The following C10orf90 variants were observed in gnomAD, a reference collection of about 807,000 sequenced individuals.
C10orf90 encodes the protein (E2-independent) E3 ubiquitin-conjugating enzyme FATS.
Under a neutral mutation model 62.5 loss-of-function variants are expected in C10orf90, and 56 were observed. That is an observed-to-expected ratio of 0.90 (90% CI 0.72 to 1.12). C10orf90 has a LOEUF of 1.12. Among genes scored for constraint, C10orf90 ranks in the 50% most tolerant of loss-of-function variants. The pLI is 0.00. For missense variants in C10orf90, 970 were observed against 880.4 expected, an observed-to-expected ratio of 1.10 and a Z score of -1.29; for synonymous variants, 386 against 340.4, an observed-to-expected ratio of 1.13 and a Z score of -1.47.
rs557215685 is a variant in C10orf90, at chr10:126,528,675, T to C, written c.314-14736A>G. On this transcript the variant is annotated intron_variant, in intron 2 of 9. Coordinates refer to ENST00000488181, the MANE Select transcript of C10orf90 (RefSeq NM_001350921.2). ...GCGAGTCACTTACCTCCTCTTGGTT[T>C]CCTCATCTGCGAAATGGGCTCAATA... Among the ~76,000 whole-genome samples, 3 of 152,278 alleles carry C rather than the reference T, an allele frequency of 2.0e-5. No homozygotes were observed. In the East Asian group the frequency reaches 5.8e-4, roughly 29 times the overall value.
intron 7 of C10orf90, among the ~76,000 whole-genome samples, chr10:126,435,997 A>C (rs530947644): frequency 6.0e-4 from 92 of 152,326 alleles, no homozygotes; most frequent in Non-Finnish European, 1.0e-3. Flanking sequence ...CAAGAGATCC[A>C]GTAAGAGACA....
In C10orf90 at chr10:126,426,085, T is replaced by C. The variant is rs757653481; in HGVS notation, c.2258A>G (p.Tyr753Cys). 3.1e-6 allele frequency: 5 copies of C among 1,612,982 alleles called. No homozygotes were observed. Among genetic ancestry groups the C allele is most frequent in the Admixed American group, 3.3e-5 (2 of 60,028 alleles). ...CTTTTTAACTTCCGGCAAGTTATCA[T>C]AGATTCTGAAACAGATTCGGAAAAC... The part of the protein sequence containing the change: ...KEMHMRSKRI[Y>C]DNLPEVKKKK... Residue 753 changes from tyrosine (Y) to cysteine (C), a missense_variant, in exon 9 of 10, where the codon TAT becomes TGT. Transcript: ENST00000488181.
At chr10:126,505,826 TGCCTGTAATCCCA>T (rs766200872) in intron 3 of C10orf90, among the ~76,000 whole-genome samples, 1 of 152,104 alleles carries the variant, frequency 6.6e-6, no homozygotes, top group Non-Finnish European at 1.5e-5. Flanking sequence ...TGGTGGCACA[TGCCTGTAATCCCA>T]GCTACTCGGG....
intron 2 of C10orf90, among the ~76,000 whole-genome samples, chr10:126,603,615 T>G (rs1425338146): frequency 1.3e-5 from 2 of 152,176 alleles, no homozygotes; most frequent in African/African-American, 4.8e-5. Context: ...AAGCCCTCTG[T>G]GCCTCAGTTT....
intron 2 of C10orf90, among the ~76,000 whole-genome samples, chr10:126,618,020 G>A (rs1466628640): frequency 1.3e-5 from 2 of 152,166 alleles, no homozygotes; most frequent in Non-Finnish European, 2.9e-5. Context: ...TGACCCTCTT[G>A]TGCAACAAAC....
At chr10:126,619,048 C>T (rs1845596027) in intron 2 of C10orf90, among the ~76,000 whole-genome samples, 1 of 152,108 alleles carries the variant, frequency 6.6e-6, no homozygotes, top group Admixed American at 6.6e-5. Context: ...AGCTGGAAGG[C>T]ATTATCCTTA....
At chr10:126,581,946 C>G (rs188341369) in intron 2 of C10orf90, among the ~76,000 whole-genome samples, 145 of 152,264 alleles carry the variant, frequency 9.5e-4, no homozygotes, top group South Asian at 6.0e-3. Flanking sequence ...TGTGATTCGG[C>G]GGGTGGCAGC....
At chr10:126,666,168 T>C (rs1846623204) in intron 1 of C10orf90, among the ~76,000 whole-genome samples, 1 of 152,166 alleles carries the variant, frequency 6.6e-6, no homozygotes, top group Non-Finnish European at 1.5e-5. Context: ...GCCCTGTGCA[T>C]TGTAGAATAT....
At chr10:126,571,991 C>A (rs961507282) in intron 2 of C10orf90, among the ~76,000 whole-genome samples, 2 of 152,088 alleles carry the variant, frequency 1.3e-5, no homozygotes, top group African/African-American at 4.8e-5. Flanking sequence ...CTTCTGATGC[C>A]CTGGTCCGGC....
intron 2 of C10orf90, among the ~76,000 whole-genome samples, chr10:126,602,507 C>T (rs1845217318): frequency 6.6e-6 from 1 of 152,124 alleles, no homozygotes; most frequent in East Asian, 1.9e-4. Context: ...AACTCCTGAC[C>T]CTGAATATTC....
At chr10:126,565,040 T>C (rs1288940286) in intron 2 of C10orf90, among the ~76,000 whole-genome samples, 7 of 23,730 alleles carry the variant, frequency 2.9e-4, no homozygotes, top group African/African-American at 8.7e-4. Flanking sequence ...ATATAAAATA[T>C]ATAATATATA....
At chr10:126,575,779 T>A (rs940412192) in intron 2 of C10orf90, among the ~76,000 whole-genome samples, 2 of 152,030 alleles carry the variant, frequency 1.3e-5, no homozygotes, top group African/African-American at 4.8e-5. Flanking sequence ...AATCTACATA[T>A]CTTTAGCCAA....
intron 2 of C10orf90, among the ~76,000 whole-genome samples, chr10:126,646,143 T>G (rs1162366937): frequency 1.3e-5 from 2 of 152,222 alleles, no homozygotes; most frequent in Non-Finnish European, 2.9e-5. Context: ...GTTTTTACAG[T>G]TTAGTGGCTA....
At chr10:126,498,548 A>C (rs1189626646) in intron 4 of C10orf90, among the ~76,000 whole-genome samples, 1 of 152,138 alleles carries the variant, frequency 6.6e-6, no homozygotes, top group Non-Finnish European at 1.5e-5. Context: ...AGAGCGGAAA[A>C]CGCAGACTGA....
At chr10:126,579,621 G>A (rs368784643) in intron 2 of C10orf90, among the ~76,000 whole-genome samples, 1 of 152,114 alleles carries the variant, frequency 6.6e-6, no homozygotes, top group Non-Finnish European at 1.5e-5. Flanking sequence ...CTTGTAAAAA[G>A]TTTAGCATGT....
chr10:126,427,331 A>G (rs1043265779), intron 8 of C10orf90, among the ~76,000 whole-genome samples: 3 of 152,268 alleles, frequency 2.0e-5, no homozygotes, highest in Admixed American at 6.5e-5. Flanking sequence ...CCTCAGATCC[A>G]TATAGACTGA....
chr10:126,525,514 T>C (rs1207448123), intron 2 of C10orf90, among the ~76,000 whole-genome samples: 4 of 152,298 alleles, frequency 2.6e-5, no homozygotes, highest in South Asian at 4.2e-4. Context: ...CCTGCAGAGA[T>C]GATTACAGGC....
At chr10:126,614,664 C>T (rs1296615782) in intron 2 of C10orf90, among the ~76,000 whole-genome samples, 1 of 152,080 alleles carries the variant, frequency 6.6e-6, no homozygotes, top group East Asian at 1.9e-4. Context: ...TTAGCTCAGC[C>T]TTTCAACGCT....
chr10:126,649,648 C>T (rs945299073), intron 1 of C10orf90, among the ~76,000 whole-genome samples: 7 of 152,184 alleles, frequency 4.6e-5, no homozygotes, highest in South Asian at 2.1e-4. Context: ...CATTCTTTTT[C>T]CTTCAGAGCA....
Sources: gnomAD v4.1 joint callset for allele counts (sites outside exome capture counted in the v4.1 genomes callset) on GRCh38, gnomAD v4.1.1 for gene constraint, MANE v1.5 for transcripts, NCBI Gene and HGNC (gene_info 2026-07-23, HGNC 2026-07-21) for gene names.